Variants in RNF43 observed in about 807,000 individuals in gnomAD.
The protein encoded by RNF43 is E3 ubiquitin-protein ligase RNF43.
RNF43 carries 37 observed loss-of-function variants against 78.4 expected under a neutral mutation model. That is an observed-to-expected ratio of 0.47 (90% confidence interval 0.36 to 0.62). The LOEUF (loss-of-function observed/expected upper bound fraction) is 0.62. Among genes scored for constraint, RNF43 ranks in the 20% least tolerant of loss-of-function variants. The pLI is 0.00. For missense variants in RNF43, 774 were observed against 1,007.9 expected, an observed-to-expected ratio of 0.77 and a Z score of 3.14; for synonymous variants, 347 against 395.0, an observed-to-expected ratio of 0.88 and a Z score of 1.44.
At chr17:58,406,250 G>A (rs1297196039) in intron 2 of RNF43, among the ~76,000 whole-genome samples, 1 of 152,162 alleles carries the variant, frequency 6.6e-6, no homozygotes, top group African/African-American at 2.4e-5. Flanking sequence ...GGAAATCTCT[G>A]CTGACATGTG....
chr17:58,357,252 A>G lies in RNF43; in HGVS notation c.2308+216T>C. On this transcript the variant is annotated intron_variant, in intron 9 of 9. Transcript: ENST00000407977. This position sits in a 1 kb window ranked among gnomAD's most constrained non-coding sequence, Gnocchi z 4.5. ...AGCACCTCCCTGGGACCTCCCTGTGATCTGCCAACTAAAGGGGTAGCACCT... is the reference window on the plus strand; with the variant it reads ...AGCACCTCCCTGGGACCTCCCTGTGGTCTGCCAACTAAAGGGGTAGCACCT... The G allele has an allele frequency of 4.1e-6, 3 of 732,560 alleles. No homozygotes were observed. The highest frequency in any genetic ancestry group is 7.3e-6 in the Non-Finnish European group (3 of 411,716). 45.4% of individuals were successfully genotyped at this position (732,560 alleles called of 1,614,324 possible).
At chr17:58,384,417 C>G (rs964039496) in intron 2 of RNF43, among the ~76,000 whole-genome samples, 10 of 152,204 alleles carry the variant, frequency 6.6e-5, no homozygotes, top group African/African-American at 2.4e-4. Context: ...ACACTGTTAT[C>G]AAGGTACAAA....
chr17:58,376,040 C>A (rs1357375469), intron 2 of RNF43, among the ~76,000 whole-genome samples: 2 of 152,002 alleles, frequency 1.3e-5, no homozygotes, highest in Non-Finnish European at 2.9e-5. Flanking sequence ...GTGTCTGGAG[C>A]CAGTGTGAGG....
chr17:58,387,364 C>T (rs1973459981), intron 2 of RNF43, among the ~76,000 whole-genome samples: 1 of 152,114 alleles, frequency 6.6e-6, no homozygotes, highest in African/African-American at 2.4e-5. Flanking sequence ...AAGTGCATGA[C>T]ACCTGGCTGG....
At chr17:58,362,209 A>G (rs1356047562) in intron 6 of RNF43, among the ~76,000 whole-genome samples, 1 of 152,068 alleles carries the variant, frequency 6.6e-6, no homozygotes, top group Non-Finnish European at 1.5e-5. Flanking sequence ...AAAACATTAT[A>G]GATTTTACTT....
intron 2 of RNF43, among the ~76,000 whole-genome samples, chr17:58,381,922 C>G (rs1210240424): frequency 6.6e-6 from 1 of 151,850 alleles, no homozygotes; most frequent in Non-Finnish European, 1.5e-5. Flanking sequence ...AAAAAAATGG[C>G]ACCTCTCCTA....
rs2143392605 is a variant in RNF43 at position 58,357,752 on chromosome 17, T to G, written c.2024A>C (p.His675Pro). 1 of 1,612,930 alleles carries G rather than the reference T, an allele frequency of 6.2e-7. No homozygotes were observed. The highest frequency in any genetic ancestry group is 8.5e-7 in the Non-Finnish European group (1 of 1,179,422). The change falls in exon 9 of 10, where the codon CAC becomes CCC. Residue 675 changes from histidine to proline, a missense_variant. Transcript: ENST00000407977. The surrounding 1 kb of genome is among the most constrained non-coding windows in gnomAD (Gnocchi z 4.5). Reference sequence around the variant, plus strand: ...ATGGGGAAAAATCTGGCAAGCTGGGTGCACAGTTGCATCCTGGGGCCGAGA... The same window carrying G: ...ATGGGGAAAAATCTGGCAAGCTGGGGGCACAGTTGCATCCTGGGGCCGAGA... ...PGSRPQDATV[H>P]PACQIFPHYT...
intron 2 of RNF43, among the ~76,000 whole-genome samples, chr17:58,372,025 T>C (rs1960636083): frequency 6.6e-6 from 1 of 152,244 alleles, no homozygotes; most frequent in Admixed American, 6.5e-5. Flanking sequence ...GACTCCTATA[T>C]AGTAGAAACC....
chr17:58,374,122 A>C (rs1489146322), intron 2 of RNF43, among the ~76,000 whole-genome samples: 1 of 152,174 alleles, frequency 6.6e-6, no homozygotes, highest in Admixed American at 6.5e-5. Context: ...TTTAAAGATG[A>C]GGAAACTGAG....
rs1318765662 is a variant in RNF43 at position 58,363,377 on chromosome 17, T to C, written c.480A>G (p.Pro160=). 6.2e-7 allele frequency: 1 copy of C among 1,614,120 alleles called. No homozygotes were observed. The stretch of plus-strand genomic sequence containing the variant: ...CGTCATTACCCCAGATCAACACCAC[T>C]GGCCAGGTCAGCCCCAGCGGCTGCT... The part of the protein sequence containing the change: ...QLQQPLGLTW[P]VVLIWGNDAE... Residue 160 remains proline (P), a synonymous_variant, in exon 5 of 10, where the codon CCA becomes CCG. Coordinates refer to ENST00000407977, the MANE Select transcript of RNF43 (RefSeq NM_017763.6).
intron 2 of RNF43, among the ~76,000 whole-genome samples, chr17:58,406,101 A>G (rs1973907436): frequency 6.6e-6 from 1 of 152,208 alleles, no homozygotes; most frequent in African/African-American, 2.4e-5. Context: ...TGACACATGC[A>G]CCACGTAAAG....
At chr17:58,407,335 C>T (rs1973933132) in intron 2 of RNF43, among the ~76,000 whole-genome samples, 1 of 152,006 alleles carries the variant, frequency 6.6e-6, no homozygotes, top group Non-Finnish European at 1.5e-5. Flanking sequence ...CTGCCCTAGC[C>T]CCACAAAGTG....
Position 58,363,569 on chromosome 17 carries a change from G to A in RNF43, c.407C>T (p.Ala136Val), listed in dbSNP as rs1227515515. Residue 136 changes from alanine (A) to valine (V), a missense_variant, in exon 4 of 10, where the codon GCT becomes GTT. By Grantham distance (64) the Ala-to-Val change is moderately conservative. Transcript: ENST00000407977. Reference sequence around the variant, plus strand: ...ATCCTCAGTGATGTCAAAGAGGACAGCACTGGCTCCTCGCTCACCCGCCAT... The same window carrying A: ...ATCCTCAGTGATGTCAAAGAGGACAACACTGGCTCCTCGCTCACCCGCCAT... ...ARMAGERGAS[A>V]VLFDITEDRA... 2 of 1,612,486 alleles carry A rather than the reference G, an allele frequency of 1.2e-6. No homozygotes were observed. Among genetic ancestry groups the A allele is most frequent in the African/African-American group, 2.7e-5 (2 of 74,858 alleles).
Position 58,358,402 on chromosome 17 carries a change from C to T in RNF43, c.1374G>A (p.Leu458=), listed in dbSNP as rs761265827. 1 of 1,614,136 alleles carries T rather than the reference C, an allele frequency of 6.2e-7. No homozygotes were observed. The highest frequency in any genetic ancestry group is 1.1e-5 in the South Asian group (1 of 91,080). The part of the protein sequence containing the change: ...ESYCTERSGY[L]ADGPASDSSS... ...TGGAGTCACTGGCTGGCCCATCTGC[C>T]AGGTACCCACTGCGTTCTGTGCAAT... Residue 458 remains leucine (L), a synonymous_variant, in exon 9 of 10, where the codon CTG becomes CTA. Coordinates refer to ENST00000407977, the MANE Select transcript of RNF43 (RefSeq NM_017763.6). The surrounding 1 kb of genome is among the most constrained non-coding windows in gnomAD (Gnocchi z 6.2).
Position 58,360,718 on chromosome 17 carries a change from C to T in RNF43, c.849+65G>A, listed in dbSNP as rs889875820. ...ACCCATACCAGCCCCTAGGCCTGCC[C>T]ACCCCTCCCCCAGCTTCAATCTCCC... On this transcript the variant is annotated intron_variant, in intron 7 of 9. Transcript: ENST00000407977. The surrounding 1 kb of genome is among the most constrained non-coding windows in gnomAD (Gnocchi z 4.3). 1 of 1,517,962 alleles carries T rather than the reference C, an allele frequency of 6.6e-7. No homozygotes were observed. The allele number at this position is 1,517,962 out of a possible 1,614,324, so 94.0% of individuals were successfully genotyped here.
intron 6 of RNF43, among the ~76,000 whole-genome samples, chr17:58,362,003 T>G (rs1286263031): frequency 6.6e-6 from 1 of 152,010 alleles, no homozygotes; most frequent in Non-Finnish European, 1.5e-5. Flanking sequence ...GGAGAATTGC[T>G]TGAACCCAGG....
At chr17:58,406,663 A>T (rs1022674375) in intron 2 of RNF43, among the ~76,000 whole-genome samples, 1 of 152,160 alleles carries the variant, frequency 6.6e-6, no homozygotes, top group Admixed American at 6.5e-5. Flanking sequence ...CAAAGCCTAG[A>T]TCATATAAAA....
chr17:58,384,241 T>G (rs1348072870), intron 2 of RNF43, among the ~76,000 whole-genome samples: 1 of 152,206 alleles, frequency 6.6e-6, no homozygotes, highest in Non-Finnish European at 1.5e-5. Context: ...TCAAGTTGGC[T>G]CTGATGAATA....
At chr17:58,396,855 T>C (rs752742359) in intron 2 of RNF43, among the ~76,000 whole-genome samples, 2 of 152,186 alleles carry the variant, frequency 1.3e-5, no homozygotes, top group Non-Finnish European at 2.9e-5. Context: ...ACTACCATAG[T>C]AGTTGCTTTT....
Sources: allele counts gnomAD v4.1 joint callset (sites outside exome capture counted in the v4.1 genomes callset), GRCh38; gene constraint gnomAD v4.1.1; non-coding constraint Gnocchi (gnomAD v3.1); transcripts MANE v1.5; gene names NCBI Gene and HGNC (gene_info 2026-07-23, HGNC 2026-07-21).